The following MYO3A variants were observed in gnomAD, a reference collection of about 807,000 sequenced individuals.
The protein encoded by MYO3A is myosin-IIIa.
Under a neutral mutation model 192.7 loss-of-function variants are expected in MYO3A, and 180 were observed. That is an observed-to-expected ratio of 0.93 (90% CI 0.83 to 1.06). MYO3A has a LOEUF of 1.06. Ranked by LOEUF, MYO3A falls within the 50% of genes least tolerant of loss-of-function variation. The pLI, the probability that MYO3A is intolerant of heterozygous loss-of-function variation, is 0.00. For synonymous variants in MYO3A, 628 were observed against 645.3 expected, an observed-to-expected ratio of 0.97 and a Z score of 0.41; for missense variants, 1,896 against 1,905.0, an observed-to-expected ratio of 1.00 and a Z score of 0.09.
chr10:25,956,495 A>ATTTTTTTTTTTTT (rs562368305), intron 4 of MYO3A, among the ~76,000 whole-genome samples: 1 of 128,846 alleles, frequency 7.8e-6, no homozygotes, highest in Non-Finnish European at 1.6e-5. Flanking sequence ...GCCCAGCTAA[A>ATTTTTTTTTTTTT]TTTTTTTTTT....
chr10:26,021,699 C>T (rs1264896358), intron 8 of MYO3A, 51 bp downstream of exon 8: 2 of 1,603,980 alleles, frequency 1.2e-6, no homozygotes, highest in African/African-American at 1.3e-5. Context: ...TTACTTCCTC[C>T]AGCCACCAAG....
intron 26 of MYO3A, among the ~76,000 whole-genome samples, chr10:26,158,232 G>C: frequency 6.6e-6 from 1 of 151,804 alleles, no homozygotes. Context: ...AGAATCAATT[G>C]GTATAAGGAA....
chr10:26,020,217 T>C (rs1278344543), intron 7 of MYO3A, among the ~76,000 whole-genome samples: 1 of 152,204 alleles, frequency 6.6e-6, no homozygotes, highest in Non-Finnish European at 1.5e-5. Context: ...CCTTCCTCTA[T>C]CCCAACTCCT....
intron 31 of MYO3A, among the ~76,000 whole-genome samples, chr10:26,181,095 T>A (rs1372843094): frequency 6.6e-6 from 1 of 152,152 alleles, no homozygotes. Flanking sequence ...TGAGTATTTA[T>A]AAAAACCTGT....
chr10:26,203,162 TTTC>T, intron 34 of MYO3A, 55 bp downstream of exon 34: 1 of 1,557,246 alleles, frequency 6.4e-7, no homozygotes, highest in Non-Finnish European at 8.8e-7. Context: ...CACAATTTCA[TTTC>T]TTAAGATATT....
chr10:25,937,515 C>A lies in MYO3A; in HGVS notation c.-18+1685C>A, dbSNP rs182930383. Among the ~76,000 whole-genome samples, 96 of 152,262 alleles carry A rather than the reference C, an allele frequency of 6.3e-4. 1 individual carries two copies. Among genetic ancestry groups the A allele is most frequent in the African/African-American group, 2.1e-3 (86 of 41,554 alleles). Reference sequence around the variant, plus strand: ...CTTATATCAACTCTGAGAATTTGTTCAGACATGCATTATTATCCCATTTTA... The same window carrying A: ...CTTATATCAACTCTGAGAATTTGTTAAGACATGCATTATTATCCCATTTTA... On this transcript the variant is annotated intron_variant, in intron 2 of 34. Transcript: ENST00000642920.
intron 14 of MYO3A, among the ~76,000 whole-genome samples, chr10:26,084,756 G>A (rs1836198239): frequency 6.6e-6 from 1 of 152,134 alleles, no homozygotes. Flanking sequence ...CTCCCATCTT[G>A]GCCTCTCAAA....
At chr10:26,201,822 C>T (rs563538529) in intron 33 of MYO3A, among the ~76,000 whole-genome samples, 8 of 152,260 alleles carry the variant, frequency 5.3e-5, no homozygotes, top group African/African-American at 1.9e-4. Flanking sequence ...TCTATTGAGC[C>T]AGCATAGCAC....
chr10:26,068,640 A>C, intron 11 of MYO3A, 128 bp from the exon 12 acceptor site: 2 of 596,746 alleles, frequency 3.4e-6, no homozygotes, highest in South Asian at 1.8e-5. Context: ...GTTTTTTACT[A>C]TCAGTGTGTC....
intron 10 of MYO3A, among the ~76,000 whole-genome samples, chr10:26,032,909 C>T (rs904011699): frequency 6.6e-6 from 1 of 152,160 alleles, no homozygotes; most frequent in Non-Finnish European, 1.5e-5. Context: ...AACATATACG[C>T]TTTTCCTTGA....
chr10:26,057,976 A>G (rs1359718972), intron 10 of MYO3A, among the ~76,000 whole-genome samples: 1 of 152,194 alleles, frequency 6.6e-6, no homozygotes, highest in African/African-American at 2.4e-5. Context: ...GTGAACCTAC[A>G]TTGACACATC....
At chr10:26,022,572 C>T in intron 8 of MYO3A, 1 of 152,084 alleles carries the variant, frequency 6.6e-6, no homozygotes, top group East Asian at 1.9e-4. Flanking sequence ...CCTTTACATA[C>T]TGCTTATTTT....
chr10:25,986,010 G>T (rs895170980), intron 4 of MYO3A, among the ~76,000 whole-genome samples: 1 of 152,154 alleles, frequency 6.6e-6, no homozygotes, highest in Non-Finnish European at 1.5e-5. Flanking sequence ...AATTCACCAT[G>T]ATCAAGTGGG....
intron 4 of MYO3A, among the ~76,000 whole-genome samples, chr10:25,982,483 G>T (rs1839395167): frequency 6.6e-6 from 1 of 152,050 alleles, no homozygotes; most frequent in South Asian, 2.1e-4. Context: ...CTGGCTGGAG[G>T]CCAACCAACA....
chr10:25,941,994 A>G (rs1330994615), intron 2 of MYO3A, among the ~76,000 whole-genome samples: 1 of 142,116 alleles, frequency 7.0e-6, no homozygotes, highest in African/African-American at 2.6e-5. Context: ...TTTCTTTCTT[A>G]CTTTCTTTTT....
At chr10:26,031,524 G>T (rs1416487075) in intron 10 of MYO3A, among the ~76,000 whole-genome samples, 1 of 152,166 alleles carries the variant, frequency 6.6e-6, no homozygotes, top group African/African-American at 2.4e-5. Flanking sequence ...AAAGACACTT[G>T]GTCTCAGCTC....
At position 26,094,140 on chromosome 10, in the gene MYO3A, A is replaced by C. The variant is rs191364887; in HGVS notation, c.1563-2241A>C. Reference sequence around the variant, plus strand: ...ACTTTCAAGAAAGACCAAACAGGGTACCTTCAATAATTATTAGCGTGTCTG... The same window carrying C: ...ACTTTCAAGAAAGACCAAACAGGGTCCCTTCAATAATTATTAGCGTGTCTG... On this transcript the variant is annotated intron_variant, in intron 15 of 34. Transcript: ENST00000642920. Among the ~76,000 whole-genome samples, 3 of 152,350 alleles carry C rather than the reference A, an allele frequency of 2.0e-5. No individual in the cohort carries two copies. In the East Asian group the frequency reaches 5.8e-4, roughly 29 times the overall value.
At chr10:26,113,011 C>T (rs553610613) in intron 17 of MYO3A, among the ~76,000 whole-genome samples, 5 of 151,954 alleles carry the variant, frequency 3.3e-5, no homozygotes, top group Non-Finnish European at 4.4e-5. Flanking sequence ...GTTTTAATTG[C>T]GCTTTCATTT....
intron 4 of MYO3A, among the ~76,000 whole-genome samples, chr10:25,977,829 G>A (rs1161626811): frequency 6.6e-6 from 1 of 151,852 alleles, no homozygotes; most frequent in Non-Finnish European, 1.5e-5. Flanking sequence ...CTTTCTCTTT[G>A]TCCACCATCT....
Sources: allele counts gnomAD v4.1 joint callset (sites outside exome capture counted in the v4.1 genomes callset), GRCh38; gene constraint gnomAD v4.1.1; transcripts MANE v1.5; gene names NCBI Gene and HGNC (gene_info 2026-07-23, HGNC 2026-07-21).